The following EPC1 variants were observed in gnomAD, a reference collection of about 807,000 sequenced individuals.
EPC1 encodes the protein enhancer of polycomb 1.
EPC1 carries 12 observed loss-of-function variants against 98.4 expected under a neutral mutation model. The observed-to-expected ratio is 0.12, with a 90% confidence interval of 0.08 to 0.20. The LOEUF is 0.20. EPC1 is among the 10% of genes least tolerant of loss of function. EPC1 has a pLI of 1.00. For synonymous variants in EPC1, 357 were observed against 363.9 expected (o/e 0.98, Z 0.21); for missense variants, 729 against 990.5 (o/e 0.74, Z 3.54).
chr10:32,306,843 C>T (rs569418829), intron 1 of EPC1, among the ~76,000 whole-genome samples: 6 of 130,200 alleles, frequency 4.6e-5, no homozygotes, highest in African/African-American at 1.7e-4. Flanking sequence ...TTGGTATATG[C>T]CTTATTAAAT....
chr10:32,357,516 A>C (rs1394636599), intron 1 of EPC1, among the ~76,000 whole-genome samples: 1 of 152,222 alleles, frequency 6.6e-6, no homozygotes, highest in Non-Finnish European at 1.5e-5. Context: ...GCTGCAGTGC[A>C]GTTGTGCTAT....
chr10:32,291,201 G>C lies in EPC1; in HGVS notation c.937C>G (p.Gln313Glu), dbSNP rs750727691. ...AACTCCTTCACATCCATTGCTTCCT[G>C]GTGTTTAAATTGACTGCTATTAGTA... is the stretch of plus-strand genomic sequence containing the variant. ...PITNSSQFKH[Q>E]EAMDVKEFKV... The change falls in exon 6 of 14, where the codon CAG becomes GAG. Residue 313 changes from glutamine to glutamate, a missense_variant. Physicochemically the swap from Gln to Glu is conservative, Grantham distance 29 (BLOSUM62 2). Around this residue, in one of 6 missense-constraint regions of EPC1, gnomAD observed 390 missense variants for 438.6 expected, o/e 0.89. Transcript: ENST00000319778. 3.7e-6 allele frequency: 6 copies of C among 1,613,764 alleles called. No homozygotes were observed. The East Asian group carries it at 1.3e-4, about 36-fold the overall frequency.
chr10:32,320,497 T>C (rs1836842055), intron 1 of EPC1, among the ~76,000 whole-genome samples: 1 of 152,248 alleles, frequency 6.6e-6, no homozygotes, highest in African/African-American at 2.4e-5. Context: ...CTGAACAACG[T>C]CTTTACAGAA....
At chr10:32,319,803 G>C (rs977701672) in intron 1 of EPC1, among the ~76,000 whole-genome samples, 2 of 152,078 alleles carry the variant, frequency 1.3e-5, no homozygotes, top group Non-Finnish European at 2.9e-5. Context: ...CAGCTCCCGA[G>C]TAGTTGGGGT....
At chr10:32,340,863 A>G (rs1838296507) in intron 1 of EPC1, among the ~76,000 whole-genome samples, 1 of 152,144 alleles carries the variant, frequency 6.6e-6, no homozygotes, top group South Asian at 2.1e-4. Context: ...AAGTTGTTTA[A>G]AACATTTGAA....
At chr10:32,293,268 A>G in intron 3 of EPC1, 74 bp from the exon 4 acceptor site, 2 of 1,145,942 alleles carry the variant, frequency 1.7e-6, no homozygotes, top group Non-Finnish European at 2.5e-6. Flanking sequence ...TCTAAATTTA[A>G]AGGACAATAA....
intron 6 of EPC1, 81 bp downstream of exon 6, chr10:32,291,082 G>A: frequency 7.4e-7 from 1 of 1,344,318 alleles, no homozygotes; most frequent in Admixed American, 1.9e-5. Flanking sequence ...CGGCCTATGT[G>A]TGTTTTTCTT....
At position 32,333,930 on chromosome 10, in the gene EPC1, T is replaced by C. The variant is rs186049876; in HGVS notation, c.153+12833A>G. On this transcript the variant is annotated intron_variant, in intron 1 of 13. Transcript: ENST00000319778. ...TACATATGGTGAAACACTGCCAGCT[T>C]GAACTGAAAGAGACAACAGATGGAA... 2.0e-5 allele frequency among the ~76,000 whole-genome samples: 3 copies of C among 152,336 alleles called. No homozygotes were observed. In the East Asian group the frequency reaches 5.8e-4, roughly 29 times the overall value.
intron 9 of EPC1, 111 bp from the exon 10 acceptor site, chr10:32,285,161 A>T: frequency 2.7e-6 from 2 of 753,664 alleles, no homozygotes; most frequent in Admixed American, 6.2e-5. Context: ...CATACTGAAT[A>T]TTTAAAAGCT....
chr10:32,307,870 T>C (rs1041237550), intron 1 of EPC1, among the ~76,000 whole-genome samples: 1 of 152,250 alleles, frequency 6.6e-6, no homozygotes, highest in Non-Finnish European at 1.5e-5. Flanking sequence ...ATTCATAGTT[T>C]GCTTTTTGTT....
chr10:32,311,243 G>A (rs1441888423), intron 1 of EPC1, among the ~76,000 whole-genome samples: 1 of 151,850 alleles, frequency 6.6e-6, no homozygotes, highest in East Asian at 1.9e-4. Flanking sequence ...AACCCAGGAG[G>A]CGGAACTTGC....
At chr10:32,299,191 G>C (rs1835349179) in intron 2 of EPC1, among the ~76,000 whole-genome samples, 1 of 151,604 alleles carries the variant, frequency 6.6e-6, no homozygotes, top group Admixed American at 6.6e-5. Context: ...TTTTTGTTTT[G>C]TTTTGTTTTT....
At chr10:32,376,071 T>C (rs1839866355) in intron 1 of EPC1, among the ~76,000 whole-genome samples, 1 of 152,008 alleles carries the variant, frequency 6.6e-6, no homozygotes, top group African/African-American at 2.4e-5. Context: ...CTCATAGATT[T>C]CAACCTCCTT....
chr10:32,300,399 C>T (rs1430065148), intron 2 of EPC1, among the ~76,000 whole-genome samples: 2 of 147,096 alleles, frequency 1.4e-5, no homozygotes, highest in Non-Finnish European at 2.9e-5. Flanking sequence ...CCCGCCCCCG[C>T]TCCTGCATTT....
intron 13 of EPC1, among the ~76,000 whole-genome samples, 184 bp downstream of exon 13, chr10:32,271,370 T>C (rs1158469278): frequency 6.6e-6 from 1 of 152,204 alleles, no homozygotes; most frequent in Admixed American, 6.5e-5. Context: ...AAATTCTTAA[T>C]ATTGAATTAA....
At chr10:32,364,837 A>G (rs1329091478) in intron 1 of EPC1, among the ~76,000 whole-genome samples, 1 of 152,060 alleles carries the variant, frequency 6.6e-6, no homozygotes, top group African/African-American at 2.4e-5. Flanking sequence ...CACGCAGCCC[A>G]GGACAGCTTT....
chr10:32,321,168 T>C (rs1365233942), intron 1 of EPC1, among the ~76,000 whole-genome samples: 1 of 152,116 alleles, frequency 6.6e-6, no homozygotes, highest in Non-Finnish European at 1.5e-5. Context: ...CCACCACCTG[T>C]TTTTCTAAAT....
intron 2 of EPC1, among the ~76,000 whole-genome samples, chr10:32,300,491 T>C (rs1025594857): frequency 6.6e-6 from 1 of 151,106 alleles, no homozygotes; most frequent in African/African-American, 2.4e-5. Flanking sequence ...TAGAGTGTAG[T>C]GGCGCGATCT....
At chr10:32,309,230 ACAAC>A (rs947698349) in intron 1 of EPC1, among the ~76,000 whole-genome samples, 1 of 152,168 alleles carries the variant, frequency 6.6e-6, no homozygotes, top group Non-Finnish European at 1.5e-5. Context: ...CAGGATGATG[ACAAC>A]CAACAATAAT....
Sources: allele counts gnomAD v4.1 joint callset (sites outside exome capture counted in the v4.1 genomes callset), GRCh38; gene constraint gnomAD v4.1.1; regional missense constraint gnomAD v4.1.1; transcripts MANE v1.5; gene names NCBI Gene and HGNC (gene_info 2026-07-23, HGNC 2026-07-21).